DRC9: variants seen among roughly 807,000 people sequenced by gnomAD.
The protein encoded by DRC9 is dynein regulatory complex subunit 9, also known as dynein regulatory complex protein 9.
the DRC9 span, among the ~76,000 whole-genome samples, chr3:197,952,171 T>G: frequency 9.2e-5 from 12 of 130,692 alleles, no homozygotes; most frequent in Non-Finnish European, 1.4e-4. Context: ...GGTTTTTTTT[T>G]TTTTTTTTTT....
chr3:197,916,957 G>T, the DRC9 span, among the ~76,000 whole-genome samples: 1 of 152,160 alleles, frequency 6.6e-6, no homozygotes, highest in Non-Finnish European at 1.5e-5. Context: ...TTGGGCCCCA[G>T]TCAAAGCCAT....
chr3:197,899,114 A>G, the DRC9 span, among the ~76,000 whole-genome samples: 2 of 152,202 alleles, frequency 1.3e-5, no homozygotes, highest in African/African-American at 4.8e-5. Context: ...AAAGAGATAA[A>G]AGATCAATAA....
At chr3:197,933,468 G>A in the DRC9 span, among the ~76,000 whole-genome samples, 39 of 151,846 alleles carry the variant, frequency 2.6e-4, no homozygotes, top group East Asian at 7.7e-4. Flanking sequence ...CAAAAAAACC[G>A]CAAAAGTTTG....
chr3:197,922,028 GT>G, the DRC9 span, among the ~76,000 whole-genome samples: 1 of 151,552 alleles, frequency 6.6e-6, no homozygotes, highest in South Asian at 2.1e-4. Flanking sequence ...CCGACTACTG[GT>G]TTTCAGTAAC....
At chr3:197,893,604 G>A in the DRC9 span, among the ~76,000 whole-genome samples, 1 of 151,886 alleles carries the variant, frequency 6.6e-6, no homozygotes, top group African/African-American at 2.4e-5. Flanking sequence ...AGCACTTTGG[G>A]AGGCCGAGGT....
the DRC9 span, chr3:197,950,250 G>T: frequency 8.1e-7 from 1 of 1,230,518 alleles, no homozygotes; most frequent in Non-Finnish European, 1.0e-6. Context: ...GCTGAAATTT[G>T]GGGGCAAATA....
chr3:197,912,747 T>C, the DRC9 span: 1 of 1,613,264 alleles, frequency 6.2e-7, no homozygotes, highest in Non-Finnish European at 8.5e-7. Context: ...TCATCCTGAG[T>C]TTCTGTAAGA....
the DRC9 span, chr3:197,932,191 G>T: frequency 6.2e-7 from 1 of 1,612,642 alleles, no homozygotes; most frequent in African/African-American, 1.3e-5. Flanking sequence ...TGATGTCATA[G>T]AAATGCATTT....
At chr3:197,898,548 C>A in the DRC9 span, among the ~76,000 whole-genome samples, 1 of 152,206 alleles carries the variant, frequency 6.6e-6, no homozygotes. Flanking sequence ...TGTTCTCATA[C>A]TGCTGATAAA....
At chr3:197,912,714 A>C in the DRC9 span, 1 of 1,614,100 alleles carries the variant, frequency 6.2e-7, no homozygotes. Context: ...TCTCTGTATG[A>C]GTCCGGGCCT....
At chr3:197,905,805 T>C in the DRC9 span, among the ~76,000 whole-genome samples, 1 of 151,982 alleles carries the variant, frequency 6.6e-6, no homozygotes, top group Non-Finnish European at 1.5e-5. Flanking sequence ...TGAAGATGAC[T>C]CAACATCAGC....
At chr3:197,914,206 T>C in the DRC9 span, among the ~76,000 whole-genome samples, 1 of 152,200 alleles carries the variant, frequency 6.6e-6, no homozygotes, top group Non-Finnish European at 1.5e-5. Flanking sequence ...ATGAAGTGTA[T>C]AGATGAAAGT....
At chr3:197,950,073 T>C in the DRC9 span, 1 of 1,174,200 alleles carries the variant, frequency 8.5e-7, no homozygotes, top group Non-Finnish European at 1.1e-6. Context: ...ATGTGGCTTA[T>C]TTCAGTGCGA....
chr3:197,898,189 C>T, the DRC9 span, among the ~76,000 whole-genome samples: 1 of 152,134 alleles, frequency 6.6e-6, no homozygotes, highest in Non-Finnish European at 1.5e-5. Flanking sequence ...GCTCTTCCCT[C>T]ACCTCCTCCA....
chr3:197,896,149 C>G, the DRC9 span, among the ~76,000 whole-genome samples: 1 of 151,650 alleles, frequency 6.6e-6, no homozygotes, highest in South Asian at 2.1e-4. Context: ...TTGAGACCAG[C>G]CTGACCAACA....
chr3:197,936,171 G>GA, the DRC9 span, among the ~76,000 whole-genome samples: 11 of 149,006 alleles, frequency 7.4e-5, no homozygotes, highest in Non-Finnish European at 8.9e-5. Flanking sequence ...CTCAAAAAAA[G>GA]AAAAAAAAAG....
At chr3:197,893,853 A>G in the DRC9 span, among the ~76,000 whole-genome samples, 504 of 152,322 alleles carry the variant, frequency 3.3e-3, 3 homozygotes, top group African/African-American at 0.011. Flanking sequence ...GTCTCAAAAA[A>G]AAAGAAAAAG....
At chr3:197,889,664 GAAACCACCAATTTC>G in the DRC9 span, 6 of 1,614,046 alleles carry the variant, frequency 3.7e-6, no homozygotes, top group Non-Finnish European at 5.1e-6. Flanking sequence ...TAGGCATCTT[GAAACCACCAATTTC>G]TCTCCGTATC....
chr3:197,935,380 C>CA, the DRC9 span, among the ~76,000 whole-genome samples: 71 of 149,566 alleles, frequency 4.7e-4, no homozygotes, highest in African/African-American at 1.6e-3. Context: ...GCGGAGGTTG[C>CA]GTGAGCCGGG....
Sources: gnomAD v4.1 joint callset for allele counts (sites outside exome capture counted in the v4.1 genomes callset) on GRCh38, gnomAD v4.1.1 for gene constraint, MANE v1.5 for transcripts, NCBI Gene and HGNC (gene_info 2026-07-23, HGNC 2026-07-21) for gene names.